Variants in STK10 observed in about 807,000 individuals in gnomAD.
STK10 encodes serine/threonine-protein kinase 10.
Under a neutral mutation model 113.8 loss-of-function variants are expected in STK10, and 78 were observed. That is an observed-to-expected ratio of 0.69 (90% CI 0.57 to 0.83). The LOEUF is 0.83. Among genes scored for constraint, STK10 ranks in the 40% least tolerant of loss-of-function variants. STK10 has a pLI of 0.00. For synonymous variants in STK10, 465 were observed against 494.7 expected, an observed-to-expected ratio of 0.94 and a Z score of 0.80; for missense variants, 1,109 against 1,280.1, an observed-to-expected ratio of 0.87 and a Z score of 2.04.
At position 172,171,005 on chromosome 5, in the gene STK10, A is replaced by G. The variant is rs78777698; in HGVS notation, c.157-14217T>C. Among the ~76,000 whole-genome samples, 1,152 of 152,260 alleles carry G rather than the reference A, an allele frequency of 7.6e-3. 21 individuals carry two copies. The highest frequency in any genetic ancestry group is 0.027 in the African/African-American group (1,106 of 41,538). On this transcript the variant is annotated intron_variant, in intron 1 of 18. Transcript: ENST00000176763. ...TGCCCCCTGCCTGCATGTGTTTAAGACACTCATTTAATCTTCACCACAACC... is the reference window on the plus strand; with the variant it reads ...TGCCCCCTGCCTGCATGTGTTTAAGGCACTCATTTAATCTTCACCACAACC...
At chr5:172,097,634 GCA>G (rs1205327342) in intron 7 of STK10, among the ~76,000 whole-genome samples, 2 of 152,282 alleles carry the variant, frequency 1.3e-5, no homozygotes, top group East Asian at 3.9e-4. Flanking sequence ...TATGACTACG[GCA>G]CAGTTTGTTT....
At chr5:172,092,427 C>T (rs1036547769) in intron 9 of STK10, 4 of 152,092 alleles carry the variant, frequency 2.6e-5, no homozygotes, top group African/African-American at 9.7e-5. Flanking sequence ...ATAAAAACAC[C>T]TTTTTTTCAC....
chr5:172,071,117 G>A (rs561416910), intron 12 of STK10, among the ~76,000 whole-genome samples: 1 of 147,694 alleles, frequency 6.8e-6, no homozygotes, highest in Non-Finnish European at 1.5e-5. Context: ...GGCTGAGCAG[G>A]AGAATCGCTT....
chr5:172,093,687 C>T lies in STK10; in HGVS notation c.1279G>A (p.Glu427Lys), dbSNP rs1489567602. ...SMDARIQVAQEKQVAEQGGDL... is the reference protein window; with the variant it reads ...SMDARIQVAQKKQVAEQGGDL... Reference sequence around the variant, plus strand: ...CCACCCTGCTCAGCAACTTGCTTCTCCTGGGCTACCTGAATTCTGGCATCC... The same window carrying T: ...CCACCCTGCTCAGCAACTTGCTTCTTCTGGGCTACCTGAATTCTGGCATCC... Residue 427 changes from glutamate to lysine, a missense_variant, in exon 9 of 19, where the codon GAG becomes AAG. By Grantham distance (56) the Glu-to-Lys change is moderately conservative (BLOSUM62 1). Coordinates refer to ENST00000176763, the MANE Select transcript of STK10 (RefSeq NM_005990.4). The surrounding 1 kb of genome is among the most constrained non-coding windows in gnomAD (Gnocchi z 4.1). 8.1e-6 allele frequency: 13 copies of T among 1,614,108 alleles called. No individual in the cohort carries two copies. The Admixed American group carries it at 1.0e-4, about 12-fold the overall frequency.
chr5:172,107,665 G>T, intron 5 of STK10, 115 bp downstream of exon 5: 2 of 592,560 alleles, frequency 3.4e-6, no homozygotes, highest in East Asian at 3.3e-5. Context: ...AGTAAGCCAC[G>T]AGGCAGGGCG....
At chr5:172,079,429 T>C (rs1768380448) in intron 12 of STK10, among the ~76,000 whole-genome samples, 2 of 152,198 alleles carry the variant, frequency 1.3e-5, no homozygotes, top group South Asian at 4.1e-4. Flanking sequence ...AGTCAGCCAG[T>C]CTATATGCTT....
rs182419506 is a variant in STK10 at position 172,071,587 on chromosome 5, A to C, written c.1990-6775T>G. Among the ~76,000 whole-genome samples the C allele has an allele frequency of 2.2e-3, 331 of 152,238 alleles. 2 individuals are homozygous for C. The highest frequency in any genetic ancestry group is 1.7e-3 in the Non-Finnish European group (114 of 68,010). On this transcript the variant is annotated intron_variant, in intron 12 of 18. Transcript: ENST00000176763. ...TGGGTAGAGATGTAAGATGCTAATG[A>C]GACAGTGACAAATGAACAAGCATGT...
intron 1 of STK10, 105 bp from the exon 2 acceptor site, chr5:172,156,893 G>C: frequency 4.5e-6 from 6 of 1,330,220 alleles, no homozygotes; most frequent in Non-Finnish European, 6.2e-6. Flanking sequence ...GAGGCCGGAT[G>C]TCCAGATGCT....
chr5:172,151,972 C>T (rs1770244025), intron 2 of STK10, among the ~76,000 whole-genome samples: 1 of 152,264 alleles, frequency 6.6e-6, no homozygotes, highest in Admixed American at 6.5e-5. Flanking sequence ...CTTTCTGCCC[C>T]CACACATTTG....
At chr5:172,126,515 G>C (rs181588257) in intron 3 of STK10, among the ~76,000 whole-genome samples, 85 of 152,246 alleles carry the variant, frequency 5.6e-4, no homozygotes, top group South Asian at 8.3e-4. Context: ...AGTAAGCTGA[G>C]ATTGCGCCAC....
chr5:172,083,535 C>T (rs141464407), intron 10 of STK10, among the ~76,000 whole-genome samples: 459 of 152,236 alleles, frequency 3.0e-3, no homozygotes, highest in African/African-American at 0.011. Context: ...TGGTAATAAG[C>T]TTATGTTTTT....
chr5:172,068,073 G>A (rs1014425490), intron 12 of STK10, among the ~76,000 whole-genome samples: 1 of 152,232 alleles, frequency 6.6e-6, no homozygotes, highest in Middle Eastern at 3.2e-3. Flanking sequence ...GGGCGCGGTG[G>A]CTCACGCCTG....
intron 18 of STK10, among the ~76,000 whole-genome samples, chr5:172,048,019 C>T (rs1438261809): frequency 6.6e-6 from 1 of 151,078 alleles, no homozygotes; most frequent in Non-Finnish European, 1.5e-5. Context: ...TCTCCTGCCT[C>T]AGCCCCCCAT....
At chr5:172,153,354 T>C in intron 2 of STK10, among the ~76,000 whole-genome samples, 1 of 150,888 alleles carries the variant, frequency 6.6e-6, no homozygotes, top group East Asian at 1.9e-4. Flanking sequence ...TGGCTCACAT[T>C]ATAGTTCTAC....
chr5:172,054,756 C>T (rs969928704), intron 16 of STK10, 62 bp from the exon 17 acceptor site: 1 of 1,597,078 alleles, frequency 6.3e-7, no homozygotes, highest in Non-Finnish European at 8.5e-7. Context: ...GGTAGGGAGC[C>T]CCACTCAGCC....
chr5:172,112,416 CTT>C (rs1159424183), intron 4 of STK10, among the ~76,000 whole-genome samples: 12,254 of 102,350 alleles, frequency 0.12, 347 homozygotes, highest in Middle Eastern at 0.17. Context: ...AGGGACCTTA[CTT>C]TTTTTTTTTT....
intron 2 of STK10, among the ~76,000 whole-genome samples, chr5:172,147,235 C>T (rs1770104630): frequency 6.6e-6 from 1 of 152,178 alleles, no homozygotes; most frequent in African/African-American, 2.4e-5. Flanking sequence ...GAAGCTCCAC[C>T]TGGTCAGCTG....
rs554975677 is a variant in STK10, at chr5:172,150,783, C to A, written c.321+5841G>T. Reference sequence around the variant, plus strand: ...CCATGCCCTGCTCTTGATCCTGGGACCAGTACTTCCTCTTTACAGAATGCT... The same window carrying A: ...CCATGCCCTGCTCTTGATCCTGGGAACAGTACTTCCTCTTTACAGAATGCT... On this transcript the variant is annotated intron_variant, in intron 2 of 18. Transcript: ENST00000176763. Among the ~76,000 whole-genome samples, 7 of 152,320 alleles carry A rather than the reference C, an allele frequency of 4.6e-5. No individual in the cohort carries two copies. In the East Asian group the frequency reaches 1.3e-3, roughly 29 times the overall value.
chr5:172,089,147 C>T (rs1293359271), intron 10 of STK10, among the ~76,000 whole-genome samples: 1 of 152,192 alleles, frequency 6.6e-6, no homozygotes, highest in Non-Finnish European at 1.5e-5. Context: ...ACTGCAATTT[C>T]CCCTGGGCTC....
Sources: gnomAD v4.1 joint callset for allele counts (sites outside exome capture counted in the v4.1 genomes callset) on GRCh38, gnomAD v4.1.1 for gene constraint, Gnocchi (gnomAD v3.1) non-coding constraint, MANE v1.5 for transcripts, NCBI Gene and HGNC (gene_info 2026-07-23, HGNC 2026-07-21) for gene names.